The following PTPRM variants were observed in gnomAD, a reference collection of about 807,000 sequenced individuals.
PTPRM encodes receptor-type tyrosine-protein phosphatase mu.
Under a neutral mutation model 186.7 loss-of-function variants are expected in PTPRM, and 47 were observed. The ratio of observed to expected loss-of-function variants is 0.25; its 90% confidence interval spans 0.20 to 0.32. PTPRM has a LOEUF of 0.32. Among genes scored for constraint, PTPRM ranks in the 10% least tolerant of loss-of-function variants. The probability of loss-of-function intolerance (pLI) is 1.00; values close to 1 mark genes in which losing one functional copy is unlikely to be tolerated. For missense variants in PTPRM, 1,494 were observed against 1,865.0 expected (o/e 0.80, Z 3.66); for synonymous variants, 668 against 674.9 (o/e 0.99, Z 0.16).
intron 13 of PTPRM, among the ~76,000 whole-genome samples, chr18:8,135,390 T>G (rs889482048): frequency 6.6e-6 from 1 of 152,216 alleles, no homozygotes; most frequent in Non-Finnish European, 1.5e-5. Flanking sequence ...CACTCATACT[T>G]TGGAGCCATA....
intron 19 of PTPRM, among the ~76,000 whole-genome samples, chr18:8,276,656 A>G (rs1229289370): frequency 1.3e-5 from 2 of 152,330 alleles, no homozygotes; most frequent in African/African-American, 4.8e-5. Context: ...TCCATCTCAT[A>G]TCTGTGTCAC....
At chr18:8,162,704 G>A (rs1259768484) in intron 14 of PTPRM, among the ~76,000 whole-genome samples, 1 of 152,208 alleles carries the variant, frequency 6.6e-6, no homozygotes, top group Non-Finnish European at 1.5e-5. Context: ...CGGGTTTGAG[G>A]AGTAAGATTT....
Sources: gnomAD v4.1 joint callset for allele counts (sites outside exome capture counted in the v4.1 genomes callset) on GRCh38, gnomAD v4.1.1 for gene constraint, MANE v1.5 for transcripts, NCBI Gene and HGNC (gene_info 2026-07-23, HGNC 2026-07-21) for gene names.